MSANTD7: variants seen among roughly 807,000 people sequenced by gnomAD.
MSANTD7 encodes Myb/SANT DNA binding domain containing 7.
At chr10:14,841,555 A>G in the MSANTD7 span, among the ~76,000 whole-genome samples, 3 of 152,224 alleles carry the variant, frequency 2.0e-5, no homozygotes, top group African/African-American at 7.2e-5. Context: ...GATATAGTCC[A>G]GATACAGAAC....
the MSANTD7 span, chr10:14,843,554 G>T: frequency 1.9e-6 from 3 of 1,550,556 alleles, no homozygotes; most frequent in East Asian, 7.3e-5. Context: ...TCCTCTTCGA[G>T]AGCTGGTTTT....
At chr10:14,844,780 A>G in the MSANTD7 span, 7 of 985,026 alleles carry the variant, frequency 7.1e-6, no homozygotes, top group Non-Finnish European at 8.4e-6. Context: ...TGCCTAAATT[A>G]CATCTTTAAG....
the MSANTD7 span, chr10:14,846,293 T>G: frequency 1.0e-6 from 1 of 985,420 alleles, no homozygotes; most frequent in Non-Finnish European, 1.2e-6. Context: ...AGGCCTGTAT[T>G]CTATAAATCT....
the MSANTD7 span, chr10:14,846,712 CT>C: frequency 1.0e-6 from 1 of 981,594 alleles, no homozygotes; most frequent in South Asian, 4.7e-5. Flanking sequence ...TGTATGAGCA[CT>C]TTCAGACATG....
chr10:14,840,872 G>T, the MSANTD7 span, among the ~76,000 whole-genome samples: 1 of 152,018 alleles, frequency 6.6e-6, no homozygotes, highest in Non-Finnish European at 1.5e-5. Context: ...AATTGGCAAC[G>T]CAAATACTAT....
the MSANTD7 span, chr10:14,846,906 G>A: frequency 1.0e-6 from 1 of 985,312 alleles, no homozygotes; most frequent in Non-Finnish European, 1.2e-6. Context: ...AGTCCATCAT[G>A]TAAATAAGGT....
the MSANTD7 span, chr10:14,846,795 G>A: frequency 1.3e-5 from 13 of 985,336 alleles, no homozygotes; most frequent in Non-Finnish European, 1.6e-5. Context: ...CCAAGCCCGT[G>A]GGCTGTTGAC....
chr10:14,838,422 A>T, the MSANTD7 span: 1 of 1,605,976 alleles, frequency 6.2e-7, no homozygotes, highest in African/African-American at 1.3e-5. Context: ...ATCGGAGTTC[A>T]CCTGGGCTGC....
chr10:14,840,973 T>C, the MSANTD7 span, among the ~76,000 whole-genome samples: 1 of 152,344 alleles, frequency 6.6e-6, no homozygotes, highest in East Asian at 1.9e-4. Context: ...AGATCAGGTC[T>C]CCTCACCCTC....
At chr10:14,839,589 A>G in the MSANTD7 span, among the ~76,000 whole-genome samples, 1 of 151,708 alleles carries the variant, frequency 6.6e-6, no homozygotes, top group Non-Finnish European at 1.5e-5. Flanking sequence ...AAAAAAAAAG[A>G]AATGGTAATG....
the MSANTD7 span, chr10:14,838,448 G>A: frequency 6.2e-7 from 1 of 1,605,522 alleles, no homozygotes; most frequent in Non-Finnish European, 8.5e-7. Flanking sequence ...AGCCTGTGTG[G>A]CCGTCTATAA....
the MSANTD7 span, chr10:14,846,128 C>T: frequency 1.0e-6 from 1 of 970,582 alleles, no homozygotes; most frequent in Non-Finnish European, 1.2e-6. Flanking sequence ...AGACTCTTTA[C>T]TTTAAAAGAG....
the MSANTD7 span, chr10:14,839,959 G>A: frequency 6.2e-7 from 1 of 1,612,026 alleles, no homozygotes; most frequent in Non-Finnish European, 8.5e-7. Context: ...TACTCCAGCT[G>A]TTGTTGCTTA....
At chr10:14,842,503 T>G in the MSANTD7 span, 1 of 1,536,150 alleles carries the variant, frequency 6.5e-7, no homozygotes, top group East Asian at 2.4e-5. This position sits in a 1 kb window ranked among gnomAD's most constrained non-coding sequence, Gnocchi z 5.2. Flanking sequence ...AGGCATTATA[T>G]TTAAAGGCCT....
the MSANTD7 span, chr10:14,846,462 G>A: frequency 2.0e-6 from 2 of 985,320 alleles, no homozygotes; most frequent in Non-Finnish European, 2.4e-6. Flanking sequence ...TCTTGAATAA[G>A]TACACAGAAA....
chr10:14,843,442 A>G, the MSANTD7 span: 1 of 1,550,760 alleles, frequency 6.4e-7, no homozygotes, highest in Non-Finnish European at 8.7e-7. Context: ...TCCCTGTCAG[A>G]GCAGCCCCAT....
At chr10:14,844,825 C>G in the MSANTD7 span, 31 of 985,410 alleles carry the variant, frequency 3.1e-5, no homozygotes, top group Non-Finnish European at 3.7e-5. Flanking sequence ...GGAAACAATT[C>G]AGATTATATC....
At chr10:14,842,949 T>A in the MSANTD7 span, 1 of 845,294 alleles carries the variant, frequency 1.2e-6, no homozygotes, top group Non-Finnish European at 1.8e-6. The surrounding 1 kb of genome is among the most constrained non-coding windows in gnomAD (Gnocchi z 5.2). Context: ...AGTTCCTGTT[T>A]CTGCCTCATT....
chr10:14,844,063 A>G, the MSANTD7 span: 72 of 1,432,458 alleles, frequency 5.0e-5, 1 homozygote, highest in Admixed American at 2.9e-5. Flanking sequence ...AAGATTCTCC[A>G]CCAAATGGAA....
Sources: allele counts gnomAD v4.1 joint callset (sites outside exome capture counted in the v4.1 genomes callset), GRCh38; gene constraint gnomAD v4.1.1; non-coding constraint Gnocchi (gnomAD v3.1); transcripts MANE v1.5; gene names NCBI Gene and HGNC (gene_info 2026-07-23, HGNC 2026-07-21).